Variants in SCAMP1 observed in about 807,000 individuals in gnomAD.
The protein encoded by SCAMP1 is secretory carrier membrane protein 1, also known as secretory carrier-associated membrane protein 1.
Under a neutral mutation model 41.8 loss-of-function variants are expected in SCAMP1, and 15 were observed. The ratio of observed to expected loss-of-function variants is 0.36; its 90% CI spans 0.24 to 0.55. SCAMP1 has a LOEUF of 0.55. Among genes scored for constraint, SCAMP1 ranks in the 20% least tolerant of loss-of-function variants. SCAMP1 has a pLI of 0.86. For missense variants in SCAMP1, 341 were observed against 412.6 expected (o/e 0.83, Z 1.50); for synonymous variants, 135 against 136.8 (o/e 0.99, Z 0.09).
At chr5:78,406,440 A>G (rs967814684) in intron 2 of SCAMP1, among the ~76,000 whole-genome samples, 1 of 152,218 alleles carries the variant, frequency 6.6e-6, no homozygotes. Flanking sequence ...GGTGTTTAGA[A>G]TATGGAAGAA....
chr5:78,416,413 A>C, intron 3 of SCAMP1, 128 bp from the exon 4 acceptor site: 1 of 621,446 alleles, frequency 1.6e-6, no homozygotes, highest in South Asian at 2.6e-5. Flanking sequence ...TCTTCAGTAA[A>C]TTCCTGTACT....
intron 6 of SCAMP1, among the ~76,000 whole-genome samples, chr5:78,443,867 C>T (rs571152784): frequency 2.0e-4 from 30 of 151,956 alleles, no homozygotes; most frequent in African/African-American, 6.0e-4. Context: ...TATTGCCCCA[C>T]GCTGGTCTTG....
chr5:78,459,430 C>A, intron 8 of SCAMP1, 68 bp downstream of exon 8: 1 of 818,504 alleles, frequency 1.2e-6, no homozygotes, highest in Non-Finnish European at 2.0e-6. Flanking sequence ...TCCTATTTTG[C>A]TATAATTTGG....
At chr5:78,388,209 A>G (rs1751393184) in intron 1 of SCAMP1, among the ~76,000 whole-genome samples, 1 of 152,100 alleles carries the variant, frequency 6.6e-6, no homozygotes, top group Non-Finnish European at 1.5e-5. Context: ...CCTATCTGCC[A>G]TTTTCCCTCT....
At chr5:78,423,015 C>CAT in intron 6 of SCAMP1, among the ~76,000 whole-genome samples, 1 of 10,010 alleles carries the variant, frequency 1.0e-4, no homozygotes, top group African/African-American at 7.5e-4. Context: ...CACGCGCGCG[C>CAT]GCACACACAC....
Position 78,472,893 on chromosome 5 carries a change from G to A in SCAMP1, c.853-2611G>A, listed in dbSNP as rs951928849. 1.5e-4 allele frequency among the ~76,000 whole-genome samples: 23 copies of A among 152,068 alleles called. 1 individual carries two copies. Among genetic ancestry groups the A allele is most frequent in the African/African-American group, 4.8e-5 (2 of 41,410 alleles). ...CATGCTCACAAACTTGGGGGAAGAG[G>A]GGAAGAGACAGACAAGTGAATCCAA... On this transcript the variant is annotated intron_variant, in intron 8 of 8. Coordinates refer to ENST00000621999, the MANE Select transcript of SCAMP1 (RefSeq NM_004866.6).
At chr5:78,372,175 T>G (rs2112051054) in intron 1 of SCAMP1, among the ~76,000 whole-genome samples, 1 of 152,326 alleles carries the variant, frequency 6.6e-6, no homozygotes, top group South Asian at 2.1e-4. Flanking sequence ...CCATTTAATC[T>G]GTGGAAATCC....
chr5:78,466,764 G>A (rs1218501486), intron 8 of SCAMP1, among the ~76,000 whole-genome samples: 1 of 152,150 alleles, frequency 6.6e-6, no homozygotes, highest in Non-Finnish European at 1.5e-5. Flanking sequence ...AATTTTAGAA[G>A]CATTTATTCT....
rs1247546706 is a variant in SCAMP1 at position 78,476,699 on chromosome 5, A to G, written c.*1031A>G. On this transcript the variant is annotated 3_prime_UTR_variant, in exon 9 of 9. Coordinates refer to ENST00000621999, the MANE Select transcript of SCAMP1 (RefSeq NM_004866.6). ...CTTTTAGCTTTTCATCTCCAGTGGCATTAAACATAAAAAGACCCTGGCATT... is the reference window on the plus strand; with the variant it reads ...CTTTTAGCTTTTCATCTCCAGTGGCGTTAAACATAAAAAGACCCTGGCATT... The G allele has an allele frequency of 6.6e-6, 1 of 152,550 alleles. No homozygotes were observed. The highest frequency in any genetic ancestry group is 1.5e-5 in the Non-Finnish European group (1 of 67,972). The allele number at this position is 152,550 out of a possible 1,614,324, so 9.4% of individuals were successfully genotyped here. A position where few individuals can be genotyped will look rare whatever the true frequency, so the allele number is the denominator to read the frequency against.
intron 7 of SCAMP1, among the ~76,000 whole-genome samples, chr5:78,458,155 C>T (rs937856597): frequency 3.9e-5 from 6 of 152,170 alleles, no homozygotes; most frequent in African/African-American, 1.2e-4. Context: ...CTGCGTCGCT[C>T]TCGCTGGGAG....
chr5:78,433,123 C>T (rs1037189085), intron 6 of SCAMP1, among the ~76,000 whole-genome samples: 2 of 152,106 alleles, frequency 1.3e-5, no homozygotes, highest in African/African-American at 4.8e-5. Flanking sequence ...GCCCCATCTC[C>T]TCATGCATGT....
intron 7 of SCAMP1, among the ~76,000 whole-genome samples, chr5:78,456,951 A>T (rs1289492075): frequency 7.5e-6 from 1 of 134,118 alleles, no homozygotes; most frequent in Non-Finnish European, 1.6e-5. Context: ...TCCATTGCTG[A>T]TACCCTTTCT....
intron 6 of SCAMP1, among the ~76,000 whole-genome samples, chr5:78,446,928 T>C (rs1252903824): frequency 1.3e-5 from 2 of 152,210 alleles, no homozygotes; most frequent in African/African-American, 4.8e-5. Flanking sequence ...GGCTGTGGGC[T>C]TGTACTGGCC....
At chr5:78,394,309 AC>A (rs1751590052) in intron 2 of SCAMP1, among the ~76,000 whole-genome samples, 1 of 152,144 alleles carries the variant, frequency 6.6e-6, no homozygotes, top group Non-Finnish European at 1.5e-5. Flanking sequence ...CTTTAGGCAA[AC>A]CATATAACCT....
At chr5:78,393,442 G>A (rs1039089076) in intron 2 of SCAMP1, among the ~76,000 whole-genome samples, 1 of 152,192 alleles carries the variant, frequency 6.6e-6, no homozygotes. Flanking sequence ...AAAGTGCTGG[G>A]ATTTTAGGTG....
intron 1 of SCAMP1, among the ~76,000 whole-genome samples, chr5:78,362,636 A>G (rs1168634510): frequency 2.6e-5 from 4 of 152,222 alleles, no homozygotes; most frequent in African/African-American, 9.6e-5. Flanking sequence ...TTGGTTGTAC[A>G]CATATTTCTG....
At chr5:78,398,222 A>G (rs183891998) in intron 2 of SCAMP1, among the ~76,000 whole-genome samples, 1 of 152,342 alleles carries the variant, frequency 6.6e-6, no homozygotes, top group Non-Finnish European at 1.5e-5. Flanking sequence ...CTAGCATAAA[A>G]ATAAATGAAG....
chr5:78,366,917 T>C lies in SCAMP1; in HGVS notation c.57+6189T>C, dbSNP rs1750810313. Among the ~76,000 whole-genome samples, 4 of 96,962 alleles carry C rather than the reference T, an allele frequency of 4.1e-5. No individual in the cohort carries two copies. The Admixed American group carries it at 5.2e-4, about 12-fold the overall frequency. The allele number at this position is 96,962 out of a possible 152,430, so 63.6% of individuals were successfully genotyped here. ...GGGAGGGTGACAGAGTGAGACCCTG[T>C]CTCAAAAAAAAAAAAAAAAACCCAA... is the stretch of plus-strand genomic sequence containing the variant. On this transcript the variant is annotated intron_variant, in intron 1 of 8. Coordinates refer to ENST00000621999, the MANE Select transcript of SCAMP1 (RefSeq NM_004866.6).
rs763330844 is a variant in SCAMP1, at chr5:78,449,937, G to T, written c.637G>T (p.Asp213Tyr). 5 of 1,459,770 alleles carry T rather than the reference G, an allele frequency of 3.4e-6. No individual in the cohort carries two copies. Among genetic ancestry groups the T allele is most frequent in the South Asian group, 1.3e-5 (1 of 75,174 alleles). 90.4% of individuals were successfully genotyped at this position (1,459,770 alleles called of 1,614,324 possible). Residue 213 changes from aspartate (D) to tyrosine (Y), a missense_variant, in exon 7 of 9, where the codon GAC (aspartate) becomes TAC (tyrosine). Asp to Tyr is a radical substitution (Grantham distance 160). Coordinates refer to ENST00000621999, the MANE Select transcript of SCAMP1 (RefSeq NM_004866.6). Reference sequence around the variant, plus strand: ...CTTTCTTTTTTTTTTTCAAAGGAGTGACAGTTCATTTAGATTCTTTGTATT... The same window carrying T: ...CTTTCTTTTTTTTTTTCAAAGGAGTTACAGTTCATTTAGATTCTTTGTATT... The part of the protein sequence containing the change: ...YRPLYGAFRS[D>Y]SSFRFFVFFF...
Sources: allele counts gnomAD v4.1 joint callset (sites outside exome capture counted in the v4.1 genomes callset), GRCh38; gene constraint gnomAD v4.1.1; transcripts MANE v1.5; gene names NCBI Gene and HGNC (gene_info 2026-07-23, HGNC 2026-07-21).